The following LRFN2 variants were observed in gnomAD, a reference collection of about 807,000 sequenced individuals.
LRFN2 encodes leucine-rich repeat and fibronectin type-III domain-containing protein 2.
Under a neutral mutation model 37.3 loss-of-function variants are expected in LRFN2, and 18 were observed. The observed-to-expected ratio is 0.48, with a 90% CI of 0.33 to 0.72. The LOEUF is 0.72. Among genes scored for constraint, LRFN2 ranks in the 30% least tolerant of loss-of-function variants. The pLI is 0.02. For synonymous variants in LRFN2, 556 were observed against 466.6 expected, an observed-to-expected ratio of 1.19 and a Z score of -2.47; for missense variants, 1,006 against 1,060.7, an observed-to-expected ratio of 0.95 and a Z score of 0.72.
intron 1 of LRFN2, among the ~76,000 whole-genome samples, chr6:40,482,347 T>C (rs1561873291): frequency 6.6e-6 from 1 of 152,088 alleles, no homozygotes; most frequent in Non-Finnish European, 1.5e-5. Flanking sequence ...CACAGATGGA[T>C]GGACCAGAGT....
At chr6:40,400,801 G>A (rs1342532593) in intron 2 of LRFN2, among the ~76,000 whole-genome samples, 2 of 151,738 alleles carry the variant, frequency 1.3e-5, no homozygotes, top group African/African-American at 4.8e-5. Context: ...ATACATATGT[G>A]TTTGGGGTAT....
chr6:40,414,461 A>G (rs1340037225), intron 2 of LRFN2, among the ~76,000 whole-genome samples: 1 of 152,218 alleles, frequency 6.6e-6, no homozygotes, highest in Non-Finnish European at 1.5e-5. Context: ...ATGAGCTAAT[A>G]AACAGAAACC....
At chr6:40,517,732 C>T (rs74689250) in intron 1 of LRFN2, among the ~76,000 whole-genome samples, 179 of 152,296 alleles carry the variant, frequency 1.2e-3, no homozygotes, top group African/African-American at 3.9e-3. Flanking sequence ...TAATTAGCAG[C>T]CTCTCCTCGC....
intron 1 of LRFN2, among the ~76,000 whole-genome samples, chr6:40,480,414 G>A (rs984069336): frequency 1.3e-5 from 2 of 152,136 alleles, no homozygotes; most frequent in Admixed American, 6.5e-5. Context: ...AAGCAGCTGG[G>A]ACTAAAAGCA....
chr6:40,478,084 G>A (rs1338506453), intron 1 of LRFN2, among the ~76,000 whole-genome samples: 3 of 152,152 alleles, frequency 2.0e-5, no homozygotes, highest in Non-Finnish European at 2.9e-5. Context: ...CCGGCACCAG[G>A]GGATGTAATG....
intron 1 of LRFN2, among the ~76,000 whole-genome samples, chr6:40,519,640 C>T (rs1161591349): frequency 6.6e-6 from 1 of 152,210 alleles, no homozygotes; most frequent in African/African-American, 2.4e-5. Context: ...TGTGCACAGC[C>T]TCTCCAGTCA....
At chr6:40,459,360 C>T (rs1400884601) in intron 1 of LRFN2, among the ~76,000 whole-genome samples, 1 of 152,234 alleles carries the variant, frequency 6.6e-6, no homozygotes, top group African/African-American at 2.4e-5. Flanking sequence ...ATGTGTTCCC[C>T]TGGTCTCTCT....
At chr6:40,483,445 G>A (rs1210650509) in intron 1 of LRFN2, among the ~76,000 whole-genome samples, 10 of 152,188 alleles carry the variant, frequency 6.6e-5, no homozygotes, top group African/African-American at 2.4e-4. Context: ...GGAAGGTGAG[G>A]TGGGAGGTGC....
chr6:40,456,142 C>A (rs1764229504), intron 1 of LRFN2, among the ~76,000 whole-genome samples: 1 of 152,192 alleles, frequency 6.6e-6, no homozygotes, highest in Non-Finnish European at 1.5e-5. Flanking sequence ...AGATATTCCC[C>A]TAGAATCAAG....
In LRFN2 at chr6:40,392,643, T is replaced by C; in HGVS notation, c.1670A>G (p.Tyr557Cys). 4 of 1,612,662 alleles carry C rather than the reference T, an allele frequency of 2.5e-6. No individual in the cohort carries two copies. Among genetic ancestry groups the C allele is most frequent in the Non-Finnish European group, 3.4e-6 (4 of 1,180,012 alleles). The change falls in exon 3 of 3, where the codon TAC becomes TGC. Residue 557 changes from tyrosine to cysteine, a missense_variant. Transcript: ENST00000338305. This position sits in a 1 kb window ranked among gnomAD's most constrained non-coding sequence, Gnocchi z 4.7. The part of the protein sequence containing the change: ...LVFIVILMVR[Y>C]KVCNHEAPSK... ...GGGGGCCTCGTGGTTGCAGACCTTG[T>C]AGCGCACCATGAGGATGACGATGAA...
chr6:40,412,583 C>A (rs546933197), intron 2 of LRFN2, among the ~76,000 whole-genome samples: 1 of 152,162 alleles, frequency 6.6e-6, no homozygotes, highest in African/African-American at 2.4e-5. Flanking sequence ...CAAGTCTTAT[C>A]CCTTCTCTGG....
At chr6:40,585,852 TACACACAC>T (rs59391301) in intron 1 of LRFN2, among the ~76,000 whole-genome samples, 2 of 148,690 alleles carry the variant, frequency 1.3e-5, no homozygotes, top group African/African-American at 4.9e-5. Flanking sequence ...CACACACGCG[TACACACAC>T]ACACACACAC....
At chr6:40,577,856 G>A (rs970773853) in intron 1 of LRFN2, among the ~76,000 whole-genome samples, 2 of 150,680 alleles carry the variant, frequency 1.3e-5, no homozygotes, top group Non-Finnish European at 3.0e-5. Context: ...ATCCAGGAGG[G>A]TCCCTTTCCC....
intron 1 of LRFN2, among the ~76,000 whole-genome samples, chr6:40,434,753 C>CA (rs1763603892): frequency 1.3e-5 from 2 of 151,706 alleles, no homozygotes; most frequent in African/African-American, 4.8e-5. Context: ...GCTGGGATTA[C>CA]AAGCGTGAGC....
chr6:40,422,697 A>T (rs887705718), intron 2 of LRFN2, among the ~76,000 whole-genome samples: 1 of 152,162 alleles, frequency 6.6e-6, no homozygotes, highest in Non-Finnish European at 1.5e-5. Flanking sequence ...CATTGTCCCC[A>T]AGTCCCAGGC....
At chr6:40,525,770 C>T (rs775353303) in intron 1 of LRFN2, among the ~76,000 whole-genome samples, 11 of 152,126 alleles carry the variant, frequency 7.2e-5, no homozygotes, top group Non-Finnish European at 1.0e-4. Context: ...AGCCCTCCCA[C>T]ACTGCCAGGC....
chr6:40,439,760 G>A lies in LRFN2; in HGVS notation c.-18-6629C>T, dbSNP rs377226027. Reference sequence around the variant, plus strand: ...AGATTCTTCTAGAATCTTGAGAAGAGGCAGCAGAAGCAGGCTCAATGAGTG... The same window carrying A: ...AGATTCTTCTAGAATCTTGAGAAGAAGCAGCAGAAGCAGGCTCAATGAGTG... On this transcript the variant is annotated intron_variant, in intron 1 of 2. Coordinates refer to ENST00000338305, the MANE Select transcript of LRFN2 (RefSeq NM_020737.3). 3.9e-5 allele frequency among the ~76,000 whole-genome samples: 6 copies of A among 152,312 alleles called. No homozygotes were observed. The East Asian group carries it at 9.6e-4, about 24-fold the overall frequency.
chr6:40,576,544 G>A (rs1337655653), intron 1 of LRFN2, among the ~76,000 whole-genome samples: 3 of 152,138 alleles, frequency 2.0e-5, no homozygotes, highest in Non-Finnish European at 4.4e-5. Context: ...GGGTCCCACC[G>A]GCCTTCCCTG....
intron 1 of LRFN2, among the ~76,000 whole-genome samples, chr6:40,484,903 G>C (rs1764919325): frequency 6.6e-6 from 1 of 152,204 alleles, no homozygotes; most frequent in Non-Finnish European, 1.5e-5. Context: ...GCCAGAGGCT[G>C]ATGGGGTTCA....
Sources: gnomAD v4.1 joint callset for allele counts (sites outside exome capture counted in the v4.1 genomes callset) on GRCh38, gnomAD v4.1.1 for gene constraint, Gnocchi (gnomAD v3.1) non-coding constraint, MANE v1.5 for transcripts, NCBI Gene and HGNC (gene_info 2026-07-23, HGNC 2026-07-21) for gene names.